Variants in VAPB observed in about 807,000 individuals in gnomAD.
VAPB encodes vesicle-associated membrane protein-associated protein B/C.
In VAPB, 7 loss-of-function variants were observed where a neutral mutation model predicts 25.6. The ratio of observed to expected loss-of-function variants is 0.27; its 90% CI spans 0.16 to 0.51. The LOEUF is 0.51. VAPB is among the 20% of genes least tolerant of loss of function. The pLI is 0.97. For synonymous variants in VAPB, 112 were observed against 109.2 expected (o/e 1.03, Z -0.16); for missense variants, 266 against 301.3 (o/e 0.88, Z 0.87).
At position 58,412,544 on chromosome 20, in the gene VAPB, T is replaced by G. The variant is rs1022468519; in HGVS notation, c.59-5667T>G. Among the ~76,000 whole-genome samples the G allele has an allele frequency of 9.4e-5, 12 of 127,142 alleles. No homozygotes were observed. The South Asian group carries it at 1.5e-3, about 15-fold the overall frequency. 83.4% of individuals were successfully genotyped at this position (127,142 alleles called of 152,430 possible). On this transcript the variant is annotated intron_variant, in intron 1 of 5. Coordinates refer to ENST00000475243, the MANE Select transcript of VAPB (RefSeq NM_004738.5). ...GTGAGCCAAGATCGTGCCACTGCAC[T>G]CCAGCCTGGGTGACAGAGTGAGACT...
intron 1 of VAPB, among the ~76,000 whole-genome samples, chr20:58,399,155 G>A (rs1600773427): frequency 6.6e-6 from 1 of 151,940 alleles, no homozygotes; most frequent in East Asian, 1.9e-4. Context: ...ACAAAAGTTA[G>A]CCGGGCGTGG....
At chr20:58,407,956 A>AT (rs1304865550) in intron 1 of VAPB, among the ~76,000 whole-genome samples, 1 of 151,708 alleles carries the variant, frequency 6.6e-6, no homozygotes, top group Non-Finnish European at 1.5e-5. Flanking sequence ...CTAACTTTGT[A>AT]TTTTTTTTCA....
Position 58,389,266 on chromosome 20 carries a change from T to TCGCCCTC in VAPB, c.-188_-182dup, listed in dbSNP as rs1340354602. 3.5e-5 allele frequency: 24 copies of TCGCCCTC among 680,582 alleles called. No homozygotes were observed. The highest frequency in any genetic ancestry group is 6.3e-5 in the Admixed American group (3 of 47,672). The allele number at this position is 680,582 out of a possible 1,614,324, so 42.2% of individuals were successfully genotyped here. A position where few individuals can be genotyped will look rare whatever the true frequency, so the allele number is the denominator to read the frequency against. ...CTCGCCGGGCACCGCGGCCTCGCCC[T>TCGCCCTC]CGCCCTCCGCCCCTGCGCCTGCACC... On this transcript the variant is annotated 5_prime_UTR_variant, in exon 1 of 6. Coordinates refer to ENST00000475243, the MANE Select transcript of VAPB (RefSeq NM_004738.5).
At chr20:58,401,822 T>A (rs749060745) in intron 1 of VAPB, among the ~76,000 whole-genome samples, 9 of 152,222 alleles carry the variant, frequency 5.9e-5, no homozygotes, top group Non-Finnish European at 1.0e-4. Flanking sequence ...TGACCCAAGC[T>A]GAACTCTATA....
chr20:58,419,811 T>C (rs1417753734), intron 2 of VAPB, among the ~76,000 whole-genome samples: 1 of 152,190 alleles, frequency 6.6e-6, no homozygotes, highest in Non-Finnish European at 1.5e-5. Context: ...TTTCCATGCC[T>C]GTATCAAATT....
intron 1 of VAPB, among the ~76,000 whole-genome samples, chr20:58,413,784 C>T (rs879164110): frequency 1.3e-5 from 2 of 150,536 alleles, no homozygotes; most frequent in Non-Finnish European, 3.0e-5. Context: ...GCTGACCTCC[C>T]CACCTCCCTC....
Position 58,447,410 on chromosome 20 carries a change from T to A in VAPB, c.*3175T>A, listed in dbSNP as rs1217019337. 1 of 453,958 alleles carries A rather than the reference T, an allele frequency of 2.2e-6. No homozygotes were observed. Among genetic ancestry groups the A allele is most frequent in the African/African-American group, 2.0e-5 (1 of 49,964 alleles). 28.1% of individuals were successfully genotyped at this position (453,958 alleles called of 1,614,324 possible). A position where few individuals can be genotyped will look rare whatever the true frequency, so the allele number is the denominator to read the frequency against. On this transcript the variant is annotated 3_prime_UTR_variant, in exon 6 of 6. Transcript: ENST00000475243. ...CATACTGATAAAATCAAAATTGATTTTTACCAGTGGCCAGTTTATGGCTAG... is the reference window on the plus strand; with the variant it reads ...CATACTGATAAAATCAAAATTGATTATTACCAGTGGCCAGTTTATGGCTAG...
rs1056051667 is a variant in VAPB at position 58,430,369 on chromosome 20, C to T, written c.212-4233C>T. Reference sequence around the variant, plus strand: ...TCCATCCTCCCAGGTTCAAGTGATTCTCATGCCTCAGCCTCCCGAATAGCT... The same window carrying T: ...TCCATCCTCCCAGGTTCAAGTGATTTTCATGCCTCAGCCTCCCGAATAGCT... On this transcript the variant is annotated intron_variant, in intron 2 of 5. Transcript: ENST00000475243. Among the ~76,000 whole-genome samples the T allele has an allele frequency of 3.3e-5, 5 of 151,628 alleles. No individual in the cohort carries two copies. The East Asian group carries it at 9.8e-4, about 30-fold the overall frequency.
At position 58,389,433 on chromosome 20, in the gene VAPB, G is replaced by A; in HGVS notation, c.-27G>A. 4 of 1,576,712 alleles carry A rather than the reference G, an allele frequency of 2.5e-6. No homozygotes were observed. Among genetic ancestry groups the A allele is most frequent in the South Asian group, 1.2e-5 (1 of 86,236 alleles). On this transcript the variant is annotated 5_prime_UTR_variant, in exon 1 of 6. Transcript: ENST00000475243. ...CCGGTGACCTCTCAGGGGTCTCCCCGCCAAAGGTGCTCCGCCGCTAAGGAA... is the reference window on the plus strand; with the variant it reads ...CCGGTGACCTCTCAGGGGTCTCCCCACCAAAGGTGCTCCGCCGCTAAGGAA...
At chr20:58,442,391 T>G (rs1989181926) in intron 5 of VAPB, among the ~76,000 whole-genome samples, 1 of 152,336 alleles carries the variant, frequency 6.6e-6, no homozygotes, top group Middle Eastern at 3.4e-3. Flanking sequence ...TCTGTGCTAT[T>G]TAAAGTGGTA....
At chr20:58,440,653 T>C in intron 4 of VAPB, 3 of 395,534 alleles carry the variant, frequency 7.6e-6, no homozygotes, top group Non-Finnish European at 9.5e-6. Flanking sequence ...TACACAGCCC[T>C]TTTTCTCTTT....
At chr20:58,392,717 G>T (rs1358590574) in intron 1 of VAPB, among the ~76,000 whole-genome samples, 3 of 152,128 alleles carry the variant, frequency 2.0e-5, no homozygotes, top group African/African-American at 7.2e-5. Flanking sequence ...CCATTCAAAG[G>T]AAAAATTATC....
Position 58,446,996 on chromosome 20 carries a change from C to T in VAPB, c.*2761C>T, listed in dbSNP as rs534257286. ...CCAAGAGGGTTAAGAGTCAGATAATCGGGACGAAACTGGCATGGAAAGAGC... is the reference window on the plus strand; with the variant it reads ...CCAAGAGGGTTAAGAGTCAGATAATTGGGACGAAACTGGCATGGAAAGAGC... On this transcript the variant is annotated 3_prime_UTR_variant, in exon 6 of 6. Transcript: ENST00000475243. 1.1e-5 allele frequency: 5 copies of T among 454,094 alleles called. No individual in the cohort carries two copies. The highest frequency in any genetic ancestry group is 6.9e-5 in the East Asian group (1 of 14,400). The allele number at this position is 454,094 out of a possible 1,614,324, so 28.1% of individuals were successfully genotyped here.
chr20:58,447,422 C>T lies in VAPB; in HGVS notation c.*3187C>T, dbSNP rs1157498792. 1 of 453,986 alleles carries T rather than the reference C, an allele frequency of 2.2e-6. No individual in the cohort carries two copies. The highest frequency in any genetic ancestry group is 4.4e-6 in the Non-Finnish European group (1 of 226,786). The allele number at this position is 453,986 out of a possible 1,614,324, so 28.1% of individuals were successfully genotyped here. A position where few individuals can be genotyped will look rare whatever the true frequency, so the allele number is the denominator to read the frequency against. Reference sequence around the variant, plus strand: ...ATCAAAATTGATTTTTACCAGTGGCCAGTTTATGGCTAGAGAGACGACTTA... The same window carrying T: ...ATCAAAATTGATTTTTACCAGTGGCTAGTTTATGGCTAGAGAGACGACTTA... On this transcript the variant is annotated 3_prime_UTR_variant, in exon 6 of 6. Transcript: ENST00000475243.
intron 1 of VAPB, among the ~76,000 whole-genome samples, chr20:58,393,321 G>T (rs1289675350): frequency 6.6e-6 from 1 of 152,046 alleles, no homozygotes; most frequent in African/African-American, 2.4e-5. Context: ...ATGAGCCACT[G>T]CATGCAGCCT....
chr20:58,427,612 TATG>T (rs1157640374), intron 2 of VAPB, among the ~76,000 whole-genome samples: 1 of 152,114 alleles, frequency 6.6e-6, no homozygotes, highest in African/African-American at 2.4e-5. Context: ...CTGTTACCAT[TATG>T]ATGCAGGTGA....
In VAPB at chr20:58,443,981, A is replaced by T. The variant is rs58069432; in HGVS notation, c.574-96A>T. The T allele has an allele frequency of 6.1e-4, 959 of 1,571,006 alleles. 5 individuals are homozygous for T. The African/African-American group carries it at 9.4e-3, about 15-fold the overall frequency. ...CGGTTGGACCATATCATGTCATCCAACACTGGGCATAAACAGCCCATCCCG... is the reference window on the plus strand; with the variant it reads ...CGGTTGGACCATATCATGTCATCCATCACTGGGCATAAACAGCCCATCCCG... On this transcript the variant is annotated intron_variant, in intron 5 of 5. Transcript: ENST00000475243.
At chr20:58,395,294 G>A (rs1034958075) in intron 1 of VAPB, among the ~76,000 whole-genome samples, 6 of 151,998 alleles carry the variant, frequency 3.9e-5, no homozygotes, top group African/African-American at 1.4e-4. Flanking sequence ...TGGGACTACA[G>A]GCACATGCCA....
intron 3 of VAPB, among the ~76,000 whole-genome samples, chr20:58,436,992 CTTTTTTTTTT>C (rs34944837): frequency 1.3e-4 from 10 of 77,432 alleles, no homozygotes; most frequent in Admixed American, 9.5e-4. Flanking sequence ...AAACTTTGAA[CTTTTTTTTTT>C]TTTTTTTTTT....
Sources: allele counts gnomAD v4.1 joint callset (sites outside exome capture counted in the v4.1 genomes callset), GRCh38; gene constraint gnomAD v4.1.1; transcripts MANE v1.5; gene names NCBI Gene and HGNC (gene_info 2026-07-23, HGNC 2026-07-21).